The following RIMBP2 variants were observed in gnomAD, a reference collection of about 807,000 sequenced individuals.
RIMBP2 encodes the protein RIMS binding protein 2.
RIMBP2 carries 48 observed loss-of-function variants against 118.6 expected under a neutral mutation model. That is an observed-to-expected ratio of 0.40 (90% CI 0.32 to 0.51). The LOEUF (loss-of-function observed/expected upper bound fraction) is 0.51. RIMBP2 is among the 20% of genes least tolerant of loss of function. The pLI is 0.41. For synonymous variants in RIMBP2, 762 were observed against 742.9 expected, an observed-to-expected ratio of 1.03 and a Z score of -0.42; for missense variants, 1,551 against 1,768.3, an observed-to-expected ratio of 0.88 and a Z score of 2.20.
intron 2 of RIMBP2, among the ~76,000 whole-genome samples, chr12:130,531,279 C>A (rs967885693): frequency 1.3e-5 from 2 of 152,174 alleles, no homozygotes; most frequent in East Asian, 3.8e-4. Context: ...ATAACCATGA[C>A]CCAGATGAAG....
Position 130,646,387 on chromosome 12 carries a change from C to T in RIMBP2, c.-351-17931G>A, listed in dbSNP as rs1173533297. Among the ~76,000 whole-genome samples, 43 of 132,904 alleles carry T rather than the reference C, an allele frequency of 3.2e-4. 4 individuals carry two copies. Among genetic ancestry groups the T allele is most frequent in the Non-Finnish European group, 5.3e-4 (32 of 60,472 alleles). 87.2% of individuals were successfully genotyped at this position (132,904 alleles called of 152,430 possible). ...CCTCCCTCACCACCTCCCTCACCAC[C>T]TCCCTCACCACCTGCCTCTCCACCT... On this transcript the variant is annotated intron_variant, in intron 1 of 22. Coordinates refer to ENST00000690449, the MANE Select transcript of RIMBP2 (RefSeq NM_001393629.1).
intron 6 of RIMBP2, among the ~76,000 whole-genome samples, chr12:130,464,592 T>C (rs2137716357): frequency 6.6e-6 from 1 of 152,366 alleles, no homozygotes; most frequent in East Asian, 1.9e-4. Context: ...TGCTTGGCCC[T>C]GCCTGGGGGA....
At chr12:130,504,274 AG>A (rs2050092039) in intron 4 of RIMBP2, among the ~76,000 whole-genome samples, 1 of 152,128 alleles carries the variant, frequency 6.6e-6, no homozygotes, top group South Asian at 2.1e-4. Context: ...GTGCAGGCAA[AG>A]GGGAGGGGCT....
At chr12:130,689,595 C>T (rs939002287) in intron 1 of RIMBP2, among the ~76,000 whole-genome samples, 8 of 152,074 alleles carry the variant, frequency 5.3e-5, no homozygotes, top group Non-Finnish European at 1.0e-4. Context: ...CTCCCCTGGA[C>T]GTTAGAATAG....
intron 2 of RIMBP2, among the ~76,000 whole-genome samples, chr12:130,529,677 T>C (rs566857038): frequency 1.3e-5 from 2 of 152,186 alleles, no homozygotes; most frequent in Non-Finnish European, 2.9e-5. Flanking sequence ...CAAAAGAGTC[T>C]GAAGGGCTAT....
At chr12:130,499,278 G>C (rs2049504049) in intron 4 of RIMBP2, among the ~76,000 whole-genome samples, 1 of 152,140 alleles carries the variant, frequency 6.6e-6, no homozygotes, top group South Asian at 2.1e-4. Context: ...TTTGGGTGGG[G>C]ACATAGAGCC....
chr12:130,689,105 T>TC (rs2065200420), intron 1 of RIMBP2, among the ~76,000 whole-genome samples: 2 of 152,084 alleles, frequency 1.3e-5, no homozygotes, highest in African/African-American at 2.4e-5. Context: ...ACCAATTTTC[T>TC]CCCACCCACA....
At chr12:130,642,324 AC>A (rs2062660764) in intron 1 of RIMBP2, among the ~76,000 whole-genome samples, 1 of 151,984 alleles carries the variant, frequency 6.6e-6, no homozygotes, top group Non-Finnish European at 1.5e-5. Context: ...TGCTCTCATC[AC>A]CCAGGCTAGA....
chr12:130,455,109 C>G (rs909159755), intron 7 of RIMBP2, among the ~76,000 whole-genome samples: 1 of 152,218 alleles, frequency 6.6e-6, no homozygotes, highest in African/African-American at 2.4e-5. Context: ...AGAGCAGAAG[C>G]CGTGCGTTTC....
intron 9 of RIMBP2, 53 bp from the exon 10 acceptor site, chr12:130,445,322 A>C (rs932894882): frequency 7.5e-7 from 1 of 1,326,278 alleles, no homozygotes; most frequent in Non-Finnish European, 1.1e-6. Context: ...CACAGCCCGC[A>C]CCCCTGTCCG....
intron 2 of RIMBP2, among the ~76,000 whole-genome samples, chr12:130,618,017 C>T (rs1318949534): frequency 1.4e-3 from 1 of 716 alleles, no homozygotes; most frequent in Middle Eastern, 0.5. Flanking sequence ...CATAGAAAGA[C>T]CTCTTCTAAA....
chr12:130,549,020 G>C (rs1428363764), intron 2 of RIMBP2, among the ~76,000 whole-genome samples: 1 of 152,214 alleles, frequency 6.6e-6, no homozygotes, highest in Non-Finnish European at 1.5e-5. Flanking sequence ...AAGTATCTCT[G>C]TGAAAACTTC....
chr12:130,584,240 C>T (rs139932122), intron 2 of RIMBP2, among the ~76,000 whole-genome samples: 664 of 30,154 alleles, frequency 0.022, 48 homozygotes, highest in Non-Finnish European at 0.047. Context: ...TTCACCACCA[C>T]CATCACCATC....
At chr12:130,632,679 C>T (rs1287120948) in intron 1 of RIMBP2, among the ~76,000 whole-genome samples, 1 of 151,970 alleles carries the variant, frequency 6.6e-6, no homozygotes, top group Admixed American at 6.5e-5. Context: ...GATGATAGGG[C>T]ATAAAAAACT....
rs533079227 is a variant in RIMBP2, at chr12:130,442,864, A to AG, written c.692-205dup. On this transcript the variant is annotated intron_variant, in intron 10 of 22. Coordinates refer to ENST00000690449, the MANE Select transcript of RIMBP2 (RefSeq NM_001393629.1). This position sits in a 1 kb window ranked among gnomAD's most constrained non-coding sequence, Gnocchi z 6.9. The stretch of plus-strand genomic sequence containing the variant: ...GCCAGCTCCTCCATCCCCGTGGCCC[A>AG]GTCTTCTTTTCTCCATGATACTTAT... Among the ~76,000 whole-genome samples the AG allele has an allele frequency of 1.1e-4, 16 of 152,252 alleles. No individual in the cohort carries two copies. The East Asian group carries it at 2.3e-3, about 22-fold the overall frequency.
At chr12:130,591,603 C>T (rs1237569197) in intron 2 of RIMBP2, among the ~76,000 whole-genome samples, 3 of 152,174 alleles carry the variant, frequency 2.0e-5, no homozygotes, top group African/African-American at 7.2e-5. Flanking sequence ...TCCTTCCAGC[C>T]CCTTCCAGCT....
intron 1 of RIMBP2, among the ~76,000 whole-genome samples, chr12:130,632,389 A>T (rs1208568113): frequency 6.9e-6 from 1 of 143,982 alleles, no homozygotes; most frequent in African/African-American, 2.6e-5. Flanking sequence ...CAAGTGATGT[A>T]CATTTTTTTT....
At chr12:130,535,103 G>T (rs971233797) in intron 2 of RIMBP2, among the ~76,000 whole-genome samples, 3 of 152,160 alleles carry the variant, frequency 2.0e-5, no homozygotes, top group African/African-American at 4.8e-5. Flanking sequence ...TCGCTGGCCG[G>T]CTCCCTCAGC....
chr12:130,434,617 ATC>A lies in RIMBP2; in HGVS notation c.2253+115_2253+116del, dbSNP rs2077372713. ...CTTAGGACCCCAGCTGGGCGTCTCC[ATC>A]TCTCTCAGGGACCCAAGGGTAGCGG... On this transcript the variant is annotated intron_variant, in intron 14 of 22. Transcript: ENST00000690449. This position sits in a 1 kb window ranked among gnomAD's most constrained non-coding sequence, Gnocchi z 5.7. The A allele has an allele frequency of 4.3e-6, 5 of 1,154,358 alleles. No homozygotes were observed. In the East Asian group the frequency reaches 1.3e-4, roughly 30 times the overall value. The allele number at this position is 1,154,358 out of a possible 1,614,324, so 71.5% of individuals were successfully genotyped here. A position where few individuals can be genotyped will look rare whatever the true frequency, so the allele number is the denominator to read the frequency against.
Sources: gnomAD v4.1 joint callset for allele counts (sites outside exome capture counted in the v4.1 genomes callset) on GRCh38, gnomAD v4.1.1 for gene constraint, Gnocchi (gnomAD v3.1) non-coding constraint, MANE v1.5 for transcripts, NCBI Gene and HGNC (gene_info 2026-07-23, HGNC 2026-07-21) for gene names.